Variants in AUH observed in about 807,000 individuals in gnomAD.
The protein encoded by AUH is methylglutaconyl-CoA hydratase, mitochondrial.
Under a neutral mutation model 42.3 loss-of-function variants are expected in AUH, and 29 were observed. That is an observed-to-expected ratio of 0.69 (90% CI 0.51 to 0.93). The LOEUF (loss-of-function observed/expected upper bound fraction) is 0.93. AUH is among the 40% of genes least tolerant of loss of function. The pLI is 0.00. For missense variants in AUH, 452 were observed against 438.1 expected (o/e 1.03, Z -0.28); for synonymous variants, 174 against 166.4 (o/e 1.05, Z -0.35).
rs375537673 is a variant in AUH at position 91,335,467 on chromosome 9, TCTGA to T, written c.419-10067_419-10064del. ...CACTCACAATTAATCTTGCCAAAAG[TCTGA>T]CTATTTGGCTTTTCAAAGAAGCAGC... On this transcript the variant is annotated intron_variant, in intron 3 of 9. Transcript: ENST00000375731. 6.9e-4 allele frequency among the ~76,000 whole-genome samples: 105 copies of T among 152,328 alleles called. 1 individual carries two copies. The highest frequency in any genetic ancestry group is 2.2e-3 in the African/African-American group (93 of 41,588).
At chr9:91,332,724 T>C (rs1830420023) in intron 3 of AUH, among the ~76,000 whole-genome samples, 1 of 152,118 alleles carries the variant, frequency 6.6e-6, no homozygotes, top group Non-Finnish European at 1.5e-5. Flanking sequence ...GGTGGCTGAA[T>C]ATACATATTT....
rs949301442 is a variant in AUH at position 91,361,737 on chromosome 9, G to A, written c.153C>T (p.Ala51=). ...AGRRAGPAIW[A]QGWVPAAGGP... is the part of the protein sequence containing the mutation. ...CCCCGGCCGCAGGTACCCAGCCCTG[G>A]GCCCAGATCGCCGGGCCCGCTCGCC... Residue 51 remains alanine (A), a synonymous_variant, in exon 1 of 10, where the codon GCC becomes GCT. Transcript: ENST00000375731. The A allele has an allele frequency of 6.5e-6, 10 of 1,546,994 alleles. No homozygotes were observed. The South Asian group carries it at 1.2e-4, about 19-fold the overall frequency.
chr9:91,309,793 A>G (rs1232107415), intron 4 of AUH, among the ~76,000 whole-genome samples: 1 of 152,200 alleles, frequency 6.6e-6, no homozygotes, highest in African/African-American at 2.4e-5. Flanking sequence ...AAACCTGCAC[A>G]TGTATCCCCG....
At chr9:91,257,673 A>G (rs1270273052) in intron 6 of AUH, among the ~76,000 whole-genome samples, 1 of 152,202 alleles carries the variant, frequency 6.6e-6, no homozygotes, top group Non-Finnish European at 1.5e-5. Context: ...TCACACTAGT[A>G]TCCTGGTGTC....
chr9:91,263,233 T>C (rs1215535967), intron 6 of AUH, among the ~76,000 whole-genome samples: 1 of 152,218 alleles, frequency 6.6e-6, no homozygotes, highest in African/African-American at 2.4e-5. Flanking sequence ...CCACAGGATA[T>C]GATTTGTGTC....
At chr9:91,316,712 C>A (rs1353038245) in intron 4 of AUH, among the ~76,000 whole-genome samples, 1 of 152,212 alleles carries the variant, frequency 6.6e-6, no homozygotes, top group Non-Finnish European at 1.5e-5. Flanking sequence ...TGTCCTCTTG[C>A]TGACTTCAAG....
intron 4 of AUH, among the ~76,000 whole-genome samples, chr9:91,322,974 G>T (rs1829697259): frequency 6.6e-6 from 1 of 152,132 alleles, no homozygotes; most frequent in Admixed American, 6.5e-5. Flanking sequence ...AAAAGCATTT[G>T]ACAAACTTTA....
chr9:91,229,713 T>A, intron 6 of AUH, among the ~76,000 whole-genome samples: 1 of 152,158 alleles, frequency 6.6e-6, no homozygotes, highest in Non-Finnish European at 1.5e-5. Flanking sequence ...CTTTCCATGT[T>A]TAGCACTTCC....
intron 4 of AUH, among the ~76,000 whole-genome samples, chr9:91,322,821 CT>C (rs1368592938): frequency 6.6e-6 from 1 of 152,190 alleles, no homozygotes; most frequent in Non-Finnish European, 1.5e-5. Flanking sequence ...AACACCACCC[CT>C]AACCACAATG....
intron 3 of AUH, among the ~76,000 whole-genome samples, chr9:91,353,522 T>C (rs979151693): frequency 3.9e-5 from 6 of 152,216 alleles, no homozygotes; most frequent in African/African-American, 1.4e-4. Context: ...GTTTAAATAT[T>C]CTTTAAATAA....
intron 3 of AUH, among the ~76,000 whole-genome samples, chr9:91,352,624 A>G (rs1297900932): frequency 2.0e-5 from 3 of 152,152 alleles, no homozygotes; most frequent in Non-Finnish European, 2.9e-5. Context: ...CCAACCTCCA[A>G]TGCAATGTAG....
At chr9:91,296,650 G>A (rs1043506350) in intron 5 of AUH, among the ~76,000 whole-genome samples, 1 of 152,068 alleles carries the variant, frequency 6.6e-6, no homozygotes, top group Non-Finnish European at 1.5e-5. Flanking sequence ...AATATACTTA[G>A]ACTACTTCCC....
chr9:91,227,830 GCT>G (rs939508667), intron 6 of AUH, among the ~76,000 whole-genome samples: 20 of 152,134 alleles, frequency 1.3e-4, no homozygotes, highest in Non-Finnish European at 1.9e-4. Flanking sequence ...TTTGTCTTTG[GCT>G]CTGTTTATGT....
intron 1 of AUH, among the ~76,000 whole-genome samples, chr9:91,356,724 A>G (rs1275669561): frequency 6.6e-6 from 1 of 152,206 alleles, no homozygotes; most frequent in Non-Finnish European, 1.5e-5. Flanking sequence ...ATCAAAGACC[A>G]TCACCTAAAC....
intron 6 of AUH, among the ~76,000 whole-genome samples, chr9:91,295,094 G>T (rs1051122302): frequency 1.3e-5 from 2 of 151,978 alleles, no homozygotes; most frequent in African/African-American, 4.8e-5. Context: ...TTTTAATAAG[G>T]GGTTTCCCTT....
intron 6 of AUH, among the ~76,000 whole-genome samples, chr9:91,284,724 G>C (rs956631332): frequency 1.3e-5 from 2 of 152,096 alleles, no homozygotes; most frequent in Non-Finnish European, 2.9e-5. Context: ...CTGTATCACT[G>C]GCTATCAGAG....
At chr9:91,333,324 T>G (rs1301739009) in intron 3 of AUH, among the ~76,000 whole-genome samples, 1 of 152,092 alleles carries the variant, frequency 6.6e-6, no homozygotes, top group Non-Finnish European at 1.5e-5. Flanking sequence ...TTTAAAATAT[T>G]TTATTTGTCA....
chr9:91,344,661 A>T (rs1027716409), intron 3 of AUH, among the ~76,000 whole-genome samples: 1 of 152,244 alleles, frequency 6.6e-6, no homozygotes, highest in African/African-American at 2.4e-5. Flanking sequence ...CAATTAAGTA[A>T]GAAATAATAA....
chr9:91,248,359 T>A (rs972443132), intron 6 of AUH, among the ~76,000 whole-genome samples: 2 of 152,196 alleles, frequency 1.3e-5, no homozygotes, highest in African/African-American at 4.8e-5. Context: ...ACCAAAAACA[T>A]CTCAAGATAA....
Sources: gnomAD v4.1 joint callset for allele counts (sites outside exome capture counted in the v4.1 genomes callset) on GRCh38, gnomAD v4.1.1 for gene constraint, MANE v1.5 for transcripts, NCBI Gene and HGNC (gene_info 2026-07-23, HGNC 2026-07-21) for gene names.